The following FLRT1 variants were observed in gnomAD, a reference collection of about 807,000 sequenced individuals.
The protein encoded by FLRT1 is fibronectin leucine rich transmembrane protein 1, also known as leucine-rich repeat transmembrane protein FLRT1.
In FLRT1, 14 loss-of-function variants were observed where a neutral mutation model predicts 30.9. The ratio of observed to expected loss-of-function variants is 0.45; its 90% CI spans 0.30 to 0.71. FLRT1 has a LOEUF of 0.71. FLRT1 is among the 30% of genes least tolerant of loss of function. FLRT1 has a pLI of 0.08. For synonymous variants in FLRT1, 368 were observed against 430.4 expected, an observed-to-expected ratio of 0.85 and a Z score of 1.80; for missense variants, 737 against 949.2, an observed-to-expected ratio of 0.78 and a Z score of 2.94.
intron 1 of FLRT1, among the ~76,000 whole-genome samples, chr11:64,073,284 C>A (rs898485063): frequency 6.6e-6 from 1 of 152,196 alleles, no homozygotes; most frequent in Non-Finnish European, 1.5e-5. Context: ...TGTGATCAAC[C>A]GGCTGTCACT....
chr11:64,108,402 C>T (rs1208097250), intron 2 of FLRT1, among the ~76,000 whole-genome samples: 1 of 152,100 alleles, frequency 6.6e-6, no homozygotes, highest in Non-Finnish European at 1.5e-5. Context: ...TGGCTACTTG[C>T]CTTCACAGGA....
intron 1 of FLRT1, among the ~76,000 whole-genome samples, chr11:64,100,556 G>A (rs1590907986): frequency 6.6e-6 from 1 of 152,220 alleles, no homozygotes; most frequent in South Asian, 2.1e-4. Flanking sequence ...GCCACTGGGG[G>A]TGCTGTGGCT....
intron 1 of FLRT1, among the ~76,000 whole-genome samples, chr11:64,068,787 C>T (rs920237013): frequency 9.2e-5 from 14 of 152,254 alleles, no homozygotes; most frequent in African/African-American, 3.4e-4. Context: ...GGAGCACCCC[C>T]ATGGGCATGC....
chr11:64,117,846 G>A lies in FLRT1; in HGVS notation c.1579G>A (p.Ala527Thr), dbSNP rs895958009. 1 of 1,614,064 alleles carries A rather than the reference G, an allele frequency of 6.2e-7. No homozygotes were observed. Among genetic ancestry groups the A allele is most frequent in the Non-Finnish European group, 8.5e-7 (1 of 1,180,050 alleles). ...VADETPVCAK[A>T]ETADSYGPTT... ...TGATGAGACACCCGTGTGTGCCAAG[G>A]CAGAGACAGCCGACAGCTATGGCCC... Residue 527 changes from alanine to threonine, a missense_variant, in exon 3 of 3, where the codon GCA (alanine) becomes ACA (threonine). Ala to Thr is a moderately conservative substitution (Grantham distance 58). Coordinates refer to ENST00000682287, the MANE Select transcript of FLRT1 (RefSeq NM_013280.5).
chr11:64,057,961 C>T (rs765778754), intron 1 of FLRT1, among the ~76,000 whole-genome samples: 4 of 152,346 alleles, frequency 2.6e-5, no homozygotes, highest in African/African-American at 2.4e-5. Flanking sequence ...CCCAAGACAA[C>T]GCTGCCACTG....
intron 1 of FLRT1, among the ~76,000 whole-genome samples, chr11:64,037,919 G>A (rs1401424070): frequency 6.6e-6 from 1 of 152,348 alleles, no homozygotes; most frequent in Non-Finnish European, 1.5e-5. Context: ...GTGCTGCTTT[G>A]TAAGTGCATT....
intron 1 of FLRT1, among the ~76,000 whole-genome samples, chr11:64,073,189 C>G (rs1757519167): frequency 1.3e-5 from 2 of 152,248 alleles, no homozygotes; most frequent in South Asian, 2.1e-4. Context: ...GGGCTGCCTG[C>G]TTCTGCCTAA....
intron 1 of FLRT1, among the ~76,000 whole-genome samples, chr11:64,047,262 C>A (rs551049534): frequency 2.0e-4 from 30 of 152,304 alleles, no homozygotes; most frequent in African/African-American, 6.3e-4. Context: ...TCCCAGCAAG[C>A]CTTCCTGGCC....
chr11:64,056,431 G>A (rs952512645), intron 1 of FLRT1, among the ~76,000 whole-genome samples: 1 of 152,206 alleles, frequency 6.6e-6, no homozygotes, highest in South Asian at 2.1e-4. Context: ...GGCTGCCTGA[G>A]GGGAGGAGGG....
chr11:64,083,446 C>T (rs1213427786), intron 1 of FLRT1, among the ~76,000 whole-genome samples: 2 of 152,144 alleles, frequency 1.3e-5, no homozygotes, highest in African/African-American at 2.4e-5. Flanking sequence ...GAGACTCTGT[C>T]CCCCAAAAAT....
At position 64,106,631 on chromosome 11, in the gene FLRT1, G is replaced by A. The variant is rs541429189; in HGVS notation, c.-50+2450G>A. On this transcript the variant is annotated intron_variant, in intron 2 of 2. Coordinates refer to ENST00000682287, the MANE Select transcript of FLRT1 (RefSeq NM_013280.5). ...GCCCAGTGCCAAGCCTCTGATCTAG[G>A]ATCAGTGAGTGTTGCCCATCACCAG... is the stretch of plus-strand genomic sequence containing the variant. Among the ~76,000 whole-genome samples, 3 of 152,312 alleles carry A rather than the reference G, an allele frequency of 2.0e-5. No homozygotes were observed. In the East Asian group the frequency reaches 5.8e-4, roughly 29 times the overall value.
intron 1 of FLRT1, among the ~76,000 whole-genome samples, chr11:64,079,660 G>A (rs1362134119): frequency 6.6e-6 from 1 of 152,162 alleles, no homozygotes; most frequent in Non-Finnish European, 1.5e-5. Context: ...AAGCCTGTGG[G>A]AGCAGAGACC....
chr11:64,041,209 A>AG (rs1181232126), intron 1 of FLRT1, among the ~76,000 whole-genome samples: 1 of 144,658 alleles, frequency 6.9e-6, no homozygotes, highest in African/African-American at 2.7e-5. Context: ...TAAAAAAAAA[A>AG]AAAAAAAAAA....
intron 2 of FLRT1, among the ~76,000 whole-genome samples, chr11:64,107,471 C>T (rs683996): frequency 0.28 from 42,191 of 152,162 alleles, 6,723 homozygotes; most frequent in African/African-American, 0.45. Flanking sequence ...CAGGACATCC[C>T]GCCGCCTGGC....
rs1394349223 is a variant in FLRT1, at chr11:64,036,078, C to G, written c.-1119C>G. 1 of 151,812 alleles carries G rather than the reference C, an allele frequency of 6.6e-6. No individual in the cohort carries two copies. Among genetic ancestry groups the G allele is most frequent in the African/African-American group, 2.4e-5 (1 of 41,358 alleles). The allele number at this position is 151,812 out of a possible 1,614,324, so 9.4% of individuals were successfully genotyped here. A position where few individuals can be genotyped will look rare whatever the true frequency, so the allele number is the denominator to read the frequency against. ...GGCGCCCTCCGGCTCTGGTTCCCGCCCGCTCCTTGGAATAACCCCTGAGGC... is the reference window on the plus strand; with the variant it reads ...GGCGCCCTCCGGCTCTGGTTCCCGCGCGCTCCTTGGAATAACCCCTGAGGC... On this transcript the variant is annotated 5_prime_UTR_variant, in exon 1 of 3. Coordinates refer to ENST00000682287, the MANE Select transcript of FLRT1 (RefSeq NM_013280.5). The surrounding 1 kb of genome is among the most constrained non-coding windows in gnomAD (Gnocchi z 5.6).
intron 1 of FLRT1, among the ~76,000 whole-genome samples, chr11:64,076,257 C>T (rs560352842): frequency 6.6e-6 from 1 of 152,198 alleles, no homozygotes; most frequent in African/African-American, 2.4e-5. Context: ...CAGCCCTCAC[C>T]AGGTGCCCCC....
chr11:64,095,343 C>T (rs1312599799), intron 1 of FLRT1, among the ~76,000 whole-genome samples: 2 of 152,192 alleles, frequency 1.3e-5, no homozygotes, highest in Non-Finnish European at 2.9e-5. Flanking sequence ...CTGAGCCACT[C>T]GCTGTAAATA....
chr11:64,064,336 G>A lies in FLRT1; in HGVS notation c.-1038+28177G>A, dbSNP rs1943957259. 6.6e-6 allele frequency among the ~76,000 whole-genome samples: 1 copy of A among 152,164 alleles called. No homozygotes were observed. The highest frequency in any genetic ancestry group is 1.5e-5 in the Non-Finnish European group (1 of 68,026). ...GGGGGGTGATGTCTCATCAGAAGAGGGGCCTGCCTGTCCAGGTAGATCCTA... is the reference window on the plus strand; with the variant it reads ...GGGGGGTGATGTCTCATCAGAAGAGAGGCCTGCCTGTCCAGGTAGATCCTA... On this transcript the variant is annotated intron_variant, in intron 1 of 2. Coordinates refer to ENST00000682287, the MANE Select transcript of FLRT1 (RefSeq NM_013280.5). This position sits in a 1 kb window ranked among gnomAD's most constrained non-coding sequence, Gnocchi z 4.5.
chr11:64,073,683 C>A (rs1024821978), intron 1 of FLRT1, among the ~76,000 whole-genome samples: 1 of 152,216 alleles, frequency 6.6e-6, no homozygotes, highest in African/African-American at 2.4e-5. Context: ...CATCAGATGG[C>A]ATGCGAGAGT....
Sources: allele counts gnomAD v4.1 joint callset (sites outside exome capture counted in the v4.1 genomes callset), GRCh38; gene constraint gnomAD v4.1.1; non-coding constraint Gnocchi (gnomAD v3.1); transcripts MANE v1.5; gene names NCBI Gene and HGNC (gene_info 2026-07-23, HGNC 2026-07-21).